The following KDM1A variants were observed in gnomAD, a reference collection of about 807,000 sequenced individuals.
KDM1A encodes the protein lysine demethylase 1A.
In KDM1A, 49 loss-of-function variants were observed where a neutral mutation model predicts 109.4. That is an observed-to-expected ratio of 0.45 (90% CI 0.36 to 0.57). The LOEUF (loss-of-function observed/expected upper bound fraction) is 0.57, where lower values mean the gene tolerates loss of function less well. Ranked by LOEUF, KDM1A falls within the 20% of genes least tolerant of loss-of-function variation. The pLI, the probability that KDM1A is intolerant of heterozygous loss-of-function variation, is 0.00. For missense variants in KDM1A, 668 were observed against 1,116.6 expected (o/e 0.60, Z 5.73); for synonymous variants, 380 against 415.4 (o/e 0.91, Z 1.04).
rs1389031539 is a variant in KDM1A, at chr1:23,079,780, AAAC to A, written c.2170+116_2170+118del. ...TAATTTCTCTCTTTATTAACTCAAC[AAAC>A]AATTCCTGAAATACCTTCTAGGTAC... On this transcript the variant is annotated intron_variant, in intron 18 of 20. Transcript: ENST00000400181. The surrounding 1 kb of genome is among the most constrained non-coding windows in gnomAD (Gnocchi z 5.6). 1.6e-6 allele frequency: 1 copy of A among 610,226 alleles called. No individual in the cohort carries two copies. The highest frequency in any genetic ancestry group is 2.7e-6 in the Non-Finnish European group (1 of 364,390). The allele number at this position is 610,226 out of a possible 1,614,324, so 37.8% of individuals were successfully genotyped here. A position where few individuals can be genotyped will look rare whatever the true frequency, so the allele number is the denominator to read the frequency against.
At chr1:23,042,034 C>G (rs1316665193) in intron 2 of KDM1A, among the ~76,000 whole-genome samples, 1 of 151,900 alleles carries the variant, frequency 6.6e-6, no homozygotes, top group Non-Finnish European at 1.5e-5. Context: ...CTACCTGTAG[C>G]TTAAATTAGT....
intron 20 of KDM1A, 66 bp from the exon 21 acceptor site, chr1:23,083,113 C>A: frequency 7.1e-7 from 1 of 1,411,060 alleles, no homozygotes. Flanking sequence ...AAGTACTTAG[C>A]AATTTAAGTA....
chr1:23,029,840 A>G (rs967022318), intron 1 of KDM1A, among the ~76,000 whole-genome samples: 16 of 152,114 alleles, frequency 1.1e-4, no homozygotes, highest in Admixed American at 1.0e-3. Flanking sequence ...GGTTTTCACC[A>G]TGTTAGCTAG....
intron 3 of KDM1A, among the ~76,000 whole-genome samples, chr1:23,045,636 A>G (rs1642481461): frequency 6.6e-6 from 1 of 152,156 alleles, no homozygotes. Context: ...TCTAATCTTG[A>G]AGAAAGAAGT....
chr1:23,030,828 TAC>T (rs1641960547), intron 2 of KDM1A, among the ~76,000 whole-genome samples, 194 bp downstream of exon 2: 1 of 152,186 alleles, frequency 6.6e-6, no homozygotes, highest in African/African-American at 2.4e-5. Context: ...TACACATAGA[TAC>T]GTACATACTG....
intron 1 of KDM1A, among the ~76,000 whole-genome samples, chr1:23,026,726 G>A (rs1266556693): frequency 6.6e-6 from 1 of 152,080 alleles, no homozygotes; most frequent in Non-Finnish European, 1.5e-5. Flanking sequence ...AGGACATTGA[G>A]GAGTGAATGA....
At chr1:23,033,299 A>G (rs1415465642) in intron 2 of KDM1A, among the ~76,000 whole-genome samples, 2 of 152,198 alleles carry the variant, frequency 1.3e-5, no homozygotes, top group Non-Finnish European at 2.9e-5. Context: ...AGGCAAGCGG[A>G]TCACCTGAGG....
chr1:23,057,819 T>TTG lies in KDM1A; in HGVS notation c.1072+254_1072+255insTG, dbSNP rs397933904. On this transcript the variant is annotated intron_variant, in intron 8 of 20. Coordinates refer to ENST00000400181, the MANE Select transcript of KDM1A (RefSeq NM_001009999.3). ...TTGAAGCTTTTTTTTTTTTTTTTTTTGTGAGACAGAGTCTCGCTCTGTCAC... is the reference window on the plus strand; with the variant it reads ...TTGAAGCTTTTTTTTTTTTTTTTTTTTGGTGAGACAGAGTCTCGCTCTGTCAC... 1.4e-5 allele frequency: 4 copies of TTG among 276,558 alleles called. 1 individual carries two copies. The highest frequency in any genetic ancestry group is 7.9e-5 in the East Asian group (1 of 12,668). 17.1% of individuals were successfully genotyped at this position (276,558 alleles called of 1,614,324 possible).
chr1:23,049,375 C>G (rs547535798), intron 3 of KDM1A, among the ~76,000 whole-genome samples: 4 of 151,726 alleles, frequency 2.6e-5, no homozygotes, highest in Admixed American at 2.6e-4. Context: ...TGTACTTATC[C>G]ACCAATTTAT....
Position 23,043,307 on chromosome 1 carries a change from T to C in KDM1A, c.518-1120T>C, listed in dbSNP as rs149666085. 1.2e-3 allele frequency among the ~76,000 whole-genome samples: 181 copies of C among 152,306 alleles called. 1 individual carries two copies. The highest frequency in any genetic ancestry group is 4.0e-3 in the African/African-American group (165 of 41,558). On this transcript the variant is annotated intron_variant, in intron 2 of 20. Transcript: ENST00000400181. ...TCAGACGAGAGCTTAGTAAAATAAG[T>C]TTAGAATGAGATTCTATTCTACCTT...
chr1:23,025,046 G>A (rs12057276), intron 1 of KDM1A, among the ~76,000 whole-genome samples: 6,140 of 152,260 alleles, frequency 0.04, 418 homozygotes, highest in African/African-American at 0.14. Flanking sequence ...TAGCGTTGGG[G>A]TTGTAGAGTT....
intron 1 of KDM1A, among the ~76,000 whole-genome samples, chr1:23,029,783 G>T (rs1641921368): frequency 6.6e-6 from 1 of 152,134 alleles, no homozygotes; most frequent in South Asian, 2.1e-4. Context: ...GGGATTACAG[G>T]TGCCTGCCAA....
At chr1:23,083,079 C>T in intron 20 of KDM1A, 100 bp from the exon 21 acceptor site, 1 of 1,131,428 alleles carries the variant, frequency 8.8e-7, no homozygotes, top group Non-Finnish European at 1.3e-6. Flanking sequence ...GGGGGTCAGC[C>T]TTTAAAAAGG....
At chr1:23,026,240 A>G (rs1641796757) in intron 1 of KDM1A, among the ~76,000 whole-genome samples, 1 of 152,214 alleles carries the variant, frequency 6.6e-6, no homozygotes, top group Non-Finnish European at 1.5e-5. Context: ...TGCCGTAGAT[A>G]AAAGGGAGAA....
chr1:23,033,206 T>A (rs1003059790), intron 2 of KDM1A, among the ~76,000 whole-genome samples: 2 of 152,186 alleles, frequency 1.3e-5, no homozygotes, highest in Non-Finnish European at 2.9e-5. Context: ...TCAGTCTTTT[T>A]AAAAGGCAAT....
rs1443198785 is a variant in KDM1A, at chr1:23,071,269, C to T, written c.1458C>T (p.Tyr486=). 9 of 1,607,560 alleles carry T rather than the reference C, an allele frequency of 5.6e-6. No individual in the cohort carries two copies. The highest frequency in any genetic ancestry group is 5.1e-6 in the Non-Finnish European group (6 of 1,177,566). The change falls in exon 13 of 21, where the codon TAC becomes TAT. Residue 486 remains tyrosine (Y), a synonymous_variant. Coordinates refer to ENST00000400181, the MANE Select transcript of KDM1A (RefSeq NM_001009999.3). The stretch of plus-strand genomic sequence containing the variant: ...AAATTAAAGAACTCCATCAGCAATA[C>T]AAAGAAGCATCTGAAGTAAAGCCAC... ...KEKIKELHQQ[Y]KEASEVKPPR... is the part of the protein sequence containing the mutation.
chr1:23,083,069 G>A, intron 20 of KDM1A, 110 bp from the exon 21 acceptor site: 2 of 921,932 alleles, frequency 2.2e-6, no homozygotes, highest in Non-Finnish European at 3.3e-6. Context: ...TAGTAATTGG[G>A]GGGGTCAGCC....
In KDM1A at chr1:23,037,854, A is replaced by C. The variant is rs186256418; in HGVS notation, c.518-6573A>C. 4.8e-3 allele frequency among the ~76,000 whole-genome samples: 727 copies of C among 152,270 alleles called. 3 individuals carry two copies. Among genetic ancestry groups the C allele is most frequent in the Non-Finnish European group, 8.1e-3 (548 of 68,012 alleles). On this transcript the variant is annotated intron_variant, in intron 2 of 20. Coordinates refer to ENST00000400181, the MANE Select transcript of KDM1A (RefSeq NM_001009999.3). ...TGATGTCATTTCATTGATTTGTTGT[A>C]CTTTTTATTAAGGCAAAATAGTAAT...
chr1:23,077,410 C>A, intron 16 of KDM1A, 50 bp downstream of exon 16: 1 of 1,572,410 alleles, frequency 6.4e-7, no homozygotes, highest in South Asian at 1.2e-5. Flanking sequence ...TGAAACAGGA[C>A]TGATCTTTTG....
Sources: allele counts gnomAD v4.1 joint callset (sites outside exome capture counted in the v4.1 genomes callset), GRCh38; gene constraint gnomAD v4.1.1; non-coding constraint Gnocchi (gnomAD v3.1); transcripts MANE v1.5; gene names NCBI Gene and HGNC (gene_info 2026-07-23, HGNC 2026-07-21).